Variants in VAV2 observed in about 807,000 individuals in gnomAD.
The protein encoded by VAV2 is vav guanine nucleotide exchange factor 2, also known as guanine nucleotide exchange factor VAV2.
In VAV2, 67 loss-of-function variants were observed where a neutral mutation model predicts 132.5. The ratio of observed to expected loss-of-function variants is 0.51; its 90% CI spans 0.42 to 0.62. The LOEUF (loss-of-function observed/expected upper bound fraction) is 0.62. VAV2 is among the 20% of genes least tolerant of loss of function. The pLI is 0.00. For synonymous variants in VAV2, 492 were observed against 443.5 expected (o/e 1.11, Z -1.37); for missense variants, 938 against 1,153.6 (o/e 0.81, Z 2.71).
intron 1 of VAV2, among the ~76,000 whole-genome samples, chr9:133,963,685 C>T (rs1382935428): frequency 6.6e-6 from 1 of 152,178 alleles, no homozygotes; most frequent in Non-Finnish European, 1.5e-5. Context: ...CATCCAAGGA[C>T]TGTCACACGT....
intron 1 of VAV2, among the ~76,000 whole-genome samples, chr9:133,960,386 C>CAGAG (rs1377056612): frequency 1.3e-5 from 2 of 152,090 alleles, no homozygotes; most frequent in Non-Finnish European, 2.9e-5. Context: ...CCACACTGGA[C>CAGAG]AGAGGCCCAG....
rs752516654 is a variant in VAV2, at chr9:133,992,126, G to T, written c.153C>A (p.Ser51=). ...VLLCQLLHNL[S]PGSIDLKDIN... ...TGTCCTTGAGGTCGATGGAGCCGGG[G>T]GAGAGGTTGTGCAGCAGCTGGCACA... The change falls in exon 1 of 30, where the codon TCC becomes TCA. Residue 51 remains serine (S), a synonymous_variant. Coordinates refer to ENST00000371850, the MANE Select transcript of VAV2 (RefSeq NM_001134398.2). The surrounding 1 kb of genome is among the most constrained non-coding windows in gnomAD (Gnocchi z 5.5). 6.3e-7 allele frequency: 1 copy of T among 1,594,582 alleles called. No individual in the cohort carries two copies. Among genetic ancestry groups the T allele is most frequent in the South Asian group, 1.1e-5 (1 of 89,168 alleles).
intron 1 of VAV2, among the ~76,000 whole-genome samples, chr9:133,978,042 G>C (rs956275870): frequency 3.9e-5 from 6 of 152,204 alleles, no homozygotes; most frequent in African/African-American, 1.4e-4. Flanking sequence ...ACGTGTATGA[G>C]ACAAATGTGA....
At chr9:133,821,414 C>A (rs1415927947) in intron 4 of VAV2, among the ~76,000 whole-genome samples, 2 of 152,186 alleles carry the variant, frequency 1.3e-5, no homozygotes, top group African/African-American at 4.8e-5. Context: ...AGCTCTGTAA[C>A]TGCAACCAGG....
intron 7 of VAV2, among the ~76,000 whole-genome samples, chr9:133,807,638 G>A (rs74846970): frequency 0.044 from 6,646 of 152,312 alleles, 183 homozygotes; most frequent in Middle Eastern, 0.071. Context: ...GTGGCTTGCG[G>A]TGAGGGGCTG....
intron 2 of VAV2, among the ~76,000 whole-genome samples, chr9:133,886,402 T>A (rs537737090): frequency 6.6e-6 from 1 of 152,296 alleles, no homozygotes; most frequent in South Asian, 2.1e-4. Context: ...AGTAACCTGC[T>A]GAAGGTCACC....
intron 2 of VAV2, among the ~76,000 whole-genome samples, chr9:133,882,501 C>T (rs1349714633): frequency 6.6e-6 from 1 of 152,094 alleles, no homozygotes; most frequent in African/African-American, 2.4e-5. Flanking sequence ...GTAAGGTGGG[C>T]CCTTAATCCA....
At chr9:133,795,760 T>G (rs750944820) in intron 11 of VAV2, 24 bp from the exon 12 acceptor site, 3 of 1,610,438 alleles carry the variant, frequency 1.9e-6, no homozygotes, top group African/African-American at 2.7e-5. Flanking sequence ...AAGAGTGTCA[T>G]GTGTTACCAC....
intron 2 of VAV2, among the ~76,000 whole-genome samples, chr9:133,910,953 C>T (rs548786477): frequency 2.2e-4 from 33 of 152,208 alleles, no homozygotes; most frequent in African/African-American, 7.5e-4. Context: ...CCCAGCACAC[C>T]GTGTTTGTCT....
In VAV2 at chr9:133,889,721, C is replaced by G. The variant is rs951195661; in HGVS notation, c.322-28289G>C. On this transcript the variant is annotated intron_variant, in intron 2 of 29. Coordinates refer to ENST00000371850, the MANE Select transcript of VAV2 (RefSeq NM_001134398.2). ...ACTCCCCAGGGCACCCAACGAGGCT[C>G]GGCTGTTTGTTCAGAAGACATTTCA... Among the ~76,000 whole-genome samples, 86 of 151,650 alleles carry G rather than the reference C, an allele frequency of 5.7e-4. 2 individuals are homozygous for G. Among genetic ancestry groups the G allele is most frequent in the African/African-American group, 2.0e-3 (82 of 41,428 alleles).
At chr9:133,764,659 G>C (rs543985888) in intron 29 of VAV2, among the ~76,000 whole-genome samples, 13 of 152,282 alleles carry the variant, frequency 8.5e-5, no homozygotes, top group African/African-American at 3.1e-4. Flanking sequence ...AGACAAAGCA[G>C]AAGAGAAGAC....
chr9:133,976,472 T>C (rs1194881530), intron 1 of VAV2, among the ~76,000 whole-genome samples: 3 of 152,190 alleles, frequency 2.0e-5, no homozygotes, highest in Admixed American at 1.3e-4. Flanking sequence ...AGTAAGAAGA[T>C]GGGCTCTGCC....
rs1484927694 is a variant in VAV2, at chr9:133,778,829, A to G, written c.1823T>C (p.Val608Ala). ...CACGTCGCCCGTCTGGAAGGTCAGC[A>G]CAGGCTTCCCGGGAGGGGCTGGGTT... ...HGNPAPPGKP[V>A]LTFQTGDVLE... The change falls in exon 22 of 30, where the codon GTG (valine) becomes GCG (alanine). Residue 608 changes from valine (V) to alanine (A), a missense_variant. Coordinates refer to ENST00000371850, the MANE Select transcript of VAV2 (RefSeq NM_001134398.2). The G allele has an allele frequency of 6.2e-7, 1 of 1,612,982 alleles. No homozygotes were observed.
chr9:133,930,819 C>A (rs1024550632), intron 2 of VAV2, among the ~76,000 whole-genome samples: 1 of 152,134 alleles, frequency 6.6e-6, no homozygotes, highest in Non-Finnish European at 1.5e-5. Context: ...TGGTGTGCGT[C>A]CAGCGTCGCC....
At chr9:133,970,259 C>T (rs1842285065) in intron 1 of VAV2, among the ~76,000 whole-genome samples, 5 of 152,216 alleles carry the variant, frequency 3.3e-5, no homozygotes. Flanking sequence ...AAGGGCCCCA[C>T]CCGATGACCC....
In VAV2 at chr9:133,768,405, G is replaced by A. The variant is rs200748893; in HGVS notation, c.2589+37C>T. ...AGCCCGACCAGGTAGGGGCTGCAGC[G>A]AGGCCAGCCCCACACCCTCAGGGTG... On this transcript the variant is annotated intron_variant, in intron 29 of 29. Transcript: ENST00000371850. This position sits in a 1 kb window ranked among gnomAD's most constrained non-coding sequence, Gnocchi z 5.3. The A allele has an allele frequency of 1.9e-5, 30 of 1,602,744 alleles. No homozygotes were observed. Among genetic ancestry groups the A allele is most frequent in the Non-Finnish European group, 2.4e-5 (28 of 1,176,406 alleles).
At chr9:133,920,043 C>A (rs1187916703) in intron 2 of VAV2, among the ~76,000 whole-genome samples, 1 of 152,156 alleles carries the variant, frequency 6.6e-6, no homozygotes, top group Non-Finnish European at 1.5e-5. Flanking sequence ...CAGTGTGGAC[C>A]CCATCCTCCA....
intron 2 of VAV2, among the ~76,000 whole-genome samples, chr9:133,871,158 G>A (rs976005017): frequency 2.0e-5 from 3 of 151,338 alleles, no homozygotes; most frequent in African/African-American, 7.3e-5. Context: ...ATGGATGGGT[G>A]GGCAGATGGA....
intron 3 of VAV2, among the ~76,000 whole-genome samples, chr9:133,836,616 G>A (rs1463997296): frequency 1.3e-5 from 2 of 152,214 alleles, no homozygotes; most frequent in Non-Finnish European, 2.9e-5. Context: ...AGAATGTAGA[G>A]AGGGAAGAGA....
Sources: allele counts gnomAD v4.1 joint callset (sites outside exome capture counted in the v4.1 genomes callset), GRCh38; gene constraint gnomAD v4.1.1; non-coding constraint Gnocchi (gnomAD v3.1); transcripts MANE v1.5; gene names NCBI Gene and HGNC (gene_info 2026-07-23, HGNC 2026-07-21).